The following SLC9A9 variants were observed in gnomAD, a reference collection of about 807,000 sequenced individuals.
The protein encoded by SLC9A9 is solute carrier family 9 member A9, also known as sodium/hydrogen exchanger 9.
SLC9A9 carries 62 observed loss-of-function variants against 77.8 expected under a neutral mutation model. The observed-to-expected ratio is 0.80, with a 90% CI of 0.65 to 0.98. The LOEUF (loss-of-function observed/expected upper bound fraction) is 0.98, where lower values mean the gene tolerates loss of function less well. SLC9A9 is among the 50% of genes least tolerant of loss of function. SLC9A9 has a pLI of 0.00. For missense variants in SLC9A9, 775 were observed against 774.9 expected, an observed-to-expected ratio of 1.00 and a Z score of 0.00; for synonymous variants, 320 against 283.5, an observed-to-expected ratio of 1.13 and a Z score of -1.29.
At chr3:143,761,280 A>G (rs2007112788) in intron 4 of SLC9A9, among the ~76,000 whole-genome samples, 1 of 152,164 alleles carries the variant, frequency 6.6e-6, no homozygotes. Flanking sequence ...ACACAGGCAG[A>G]GGCAAGGACT....
chr3:143,651,994 G>A (rs1178461605), intron 6 of SLC9A9, among the ~76,000 whole-genome samples: 1 of 150,502 alleles, frequency 6.6e-6, no homozygotes, highest in African/African-American at 2.5e-5. Flanking sequence ...AGGAACCTAA[G>A]TGAATCAGCT....
chr3:143,495,204 G>A (rs1044714756), intron 10 of SLC9A9, 131 bp downstream of exon 10: 27 of 715,682 alleles, frequency 3.8e-5, no homozygotes, highest in Admixed American at 9.7e-5. Context: ...TAGAAATCAC[G>A]TATCTGCCTT....
intron 14 of SLC9A9, among the ~76,000 whole-genome samples, chr3:143,295,836 A>G (rs2030240771): frequency 6.6e-6 from 1 of 151,686 alleles, no homozygotes; most frequent in South Asian, 2.1e-4. Flanking sequence ...TACACAGTGG[A>G]ACAAGTGAGC....
At chr3:143,330,378 GTCCCTT>G (rs1003298857) in intron 14 of SLC9A9, among the ~76,000 whole-genome samples, 4 of 152,164 alleles carry the variant, frequency 2.6e-5, no homozygotes, top group Non-Finnish European at 5.9e-5. Flanking sequence ...GACAGTCATG[GTCCCTT>G]TCTAAGGAAA....
chr3:143,418,223 G>A (rs2108525317), intron 12 of SLC9A9, among the ~76,000 whole-genome samples: 1 of 151,718 alleles, frequency 6.6e-6, no homozygotes, highest in East Asian at 2.0e-4. Flanking sequence ...GTGGGAGGAG[G>A]AAATAAGGAA....
chr3:143,845,093 G>C (rs556835369), intron 1 of SLC9A9, among the ~76,000 whole-genome samples: 1 of 151,984 alleles, frequency 6.6e-6, no homozygotes, highest in East Asian at 1.9e-4. Flanking sequence ...CTTTCTCCAG[G>C]AAAATTATTG....
At chr3:143,390,495 C>G (rs1356818552) in intron 12 of SLC9A9, among the ~76,000 whole-genome samples, 2 of 152,126 alleles carry the variant, frequency 1.3e-5, no homozygotes, top group African/African-American at 2.4e-5. Context: ...CAAATAAGAA[C>G]AGCTCCAGTC....
intron 8 of SLC9A9, among the ~76,000 whole-genome samples, chr3:143,567,670 T>C (rs1009772676): frequency 1.3e-5 from 2 of 152,132 alleles, no homozygotes; most frequent in Admixed American, 6.6e-5. Context: ...TGGCTGCAAA[T>C]GTGGCCCTTG....
intron 4 of SLC9A9, among the ~76,000 whole-genome samples, chr3:143,760,499 C>T (rs2007082322): frequency 1.3e-5 from 2 of 152,168 alleles, no homozygotes. Flanking sequence ...TCAGCAAAGT[C>T]TCAGGTACAA....
At chr3:143,619,986 G>A (rs887421140) in intron 6 of SLC9A9, among the ~76,000 whole-genome samples, 1 of 152,052 alleles carries the variant, frequency 6.6e-6, no homozygotes, top group Non-Finnish European at 1.5e-5. Context: ...GGTGTCTTTG[G>A]TCACCTAATA....
Position 143,832,237 on chromosome 3 carries a change from T to A in SLC9A9, c.176-16A>T. The A allele has an allele frequency of 6.3e-7, 1 of 1,594,572 alleles. No homozygotes were observed. The highest frequency in any genetic ancestry group is 8.6e-7 in the Non-Finnish European group (1 of 1,167,242). ...ATTATAAGGCCTAAAAAAAAAAGAATAAATAATGGTACTGGAGGAAGGCAA... is the reference window on the plus strand; with the variant it reads ...ATTATAAGGCCTAAAAAAAAAAGAAAAAATAATGGTACTGGAGGAAGGCAA... On this transcript the variant is annotated splice_polypyrimidine_tract_variant and intron_variant, in intron 1 of 15. Coordinates refer to ENST00000316549, the MANE Select transcript of SLC9A9 (RefSeq NM_173653.4).
chr3:143,561,693 G>T (rs2037088539), intron 8 of SLC9A9, among the ~76,000 whole-genome samples: 1 of 152,040 alleles, frequency 6.6e-6, no homozygotes, highest in African/African-American at 2.4e-5. Context: ...CTCACGGTCT[G>T]TTTTTAATAT....
Position 143,280,754 on chromosome 3 carries a change from T to C in SLC9A9, c.1605-11774A>G, listed in dbSNP as rs551338408. On this transcript the variant is annotated intron_variant, in intron 14 of 15. Transcript: ENST00000316549. ...TTTTAGTAGAGACAGGGTTTCACTA[T>C]GTTGGACAGGCTGGTCTCGAACTCC... 1.1e-4 allele frequency among the ~76,000 whole-genome samples: 17 copies of C among 152,234 alleles called. No homozygotes were observed. The East Asian group carries it at 2.7e-3, about 24-fold the overall frequency.
intron 12 of SLC9A9, among the ~76,000 whole-genome samples, chr3:143,432,964 C>G (rs911946941): frequency 8.5e-5 from 13 of 152,188 alleles, no homozygotes; most frequent in African/African-American, 3.1e-4. Flanking sequence ...GCATTTCTTA[C>G]CTTTGGACTC....
intron 4 of SLC9A9, among the ~76,000 whole-genome samples, chr3:143,774,648 T>C (rs2007632575): frequency 6.6e-6 from 1 of 152,208 alleles, no homozygotes. Context: ...TCATATACTA[T>C]AACTTATAAC....
chr3:143,796,708 T>C (rs73869163), intron 3 of SLC9A9, 118 bp downstream of exon 3: 2 of 693,866 alleles, frequency 2.9e-6, no homozygotes, highest in Non-Finnish European at 4.8e-6. Flanking sequence ...GCATCACAAA[T>C]TTAAGATAAT....
At chr3:143,842,312 C>T (rs372495264) in intron 1 of SLC9A9, among the ~76,000 whole-genome samples, 6 of 152,062 alleles carry the variant, frequency 3.9e-5, no homozygotes, top group African/African-American at 1.4e-4. Context: ...ACCTGGGAGG[C>T]GGAGGTGGCA....
At chr3:143,694,412 A>G (rs1933567884) in intron 4 of SLC9A9, among the ~76,000 whole-genome samples, 1 of 152,164 alleles carries the variant, frequency 6.6e-6, no homozygotes, top group African/African-American at 2.4e-5. Context: ...AATAGCCCAC[A>G]GAATTGTTTT....
chr3:143,832,003 C>A lies in SLC9A9; in HGVS notation c.378+16G>T, dbSNP rs1408671483. 6.2e-7 allele frequency: 1 copy of A among 1,602,706 alleles called. No homozygotes were observed. Among genetic ancestry groups the A allele is most frequent in the South Asian group, 1.1e-5 (1 of 90,692 alleles). On this transcript the variant is annotated intron_variant, in intron 2 of 15. Coordinates refer to ENST00000316549, the MANE Select transcript of SLC9A9 (RefSeq NM_173653.4). ...ATACTGTAAAACAAATATATAATAC[C>A]AGACAGGATCCTTACCTTTTCAAGT...
Sources: allele counts gnomAD v4.1 joint callset (sites outside exome capture counted in the v4.1 genomes callset), GRCh38; gene constraint gnomAD v4.1.1; transcripts MANE v1.5; gene names NCBI Gene and HGNC (gene_info 2026-07-23, HGNC 2026-07-21).